Variants in ST3GAL2 observed in about 807,000 individuals in gnomAD.
The protein encoded by ST3GAL2 is CMP-N-acetylneuraminate-beta-galactosamide-alpha-2,3-sialyltransferase 2.
A neutral mutation model predicts 37.5 loss-of-function variants in ST3GAL2; 16 were observed. The observed-to-expected ratio is 0.43, with a 90% CI of 0.29 to 0.65. ST3GAL2 has a LOEUF of 0.65. Ranked by LOEUF, ST3GAL2 falls within the 30% of genes least tolerant of loss-of-function variation. The pLI, the probability that ST3GAL2 is intolerant of heterozygous loss-of-function variation, is 0.17. For synonymous variants in ST3GAL2, 238 were observed against 202.9 expected, an observed-to-expected ratio of 1.17 and a Z score of -1.47; for missense variants, 383 against 487.8, an observed-to-expected ratio of 0.79 and a Z score of 2.02.
chr16:70,381,830 C>G lies in ST3GAL2; in HGVS notation c.912G>C (p.Arg304=), dbSNP rs775474615. ...TCTCCCAGTAGTGGTGCCAGTTGCC[C>G]CGGCTGTCGGCCCCGAACCCGTACA... ...VNVYGFGADS[R]GNWHHYWENN... The change falls in exon 7 of 7, where the codon CGG becomes CGC. Residue 304 remains arginine, a synonymous_variant. Coordinates refer to ENST00000342907, the MANE Select transcript of ST3GAL2 (RefSeq NM_006927.4). The G allele has an allele frequency of 2.5e-6, 4 of 1,614,018 alleles. No individual in the cohort carries two copies. Among genetic ancestry groups the G allele is most frequent in the Non-Finnish European group, 3.4e-6 (4 of 1,179,944 alleles).
chr16:70,377,114 T>C lies in ST3GAL2; in HGVS notation c.*4575A>G, dbSNP rs1384532748. 1.4e-5 allele frequency: 2 copies of C among 142,680 alleles called. No individual in the cohort carries two copies. The highest frequency in any genetic ancestry group is 3.0e-5 in the Non-Finnish European group (2 of 66,984). 8.8% of individuals were successfully genotyped at this position (142,680 alleles called of 1,614,324 possible). ...GGCTGAGGTGGGAGGATCACTTGAATCCAGGAGTTTTTGAGGCTGCAGTGA... is the reference window on the plus strand; with the variant it reads ...GGCTGAGGTGGGAGGATCACTTGAACCCAGGAGTTTTTGAGGCTGCAGTGA... On this transcript the variant is annotated 3_prime_UTR_variant, in exon 7 of 7. Transcript: ENST00000342907.
Position 70,399,008 on chromosome 16 carries a change from A to T in ST3GAL2, c.-478T>A, listed in dbSNP as rs1201551745. 2.4e-6 allele frequency: 1 copy of T among 413,410 alleles called. No individual in the cohort carries two copies. The highest frequency in any genetic ancestry group is 1.0e-4 in the South Asian group (1 of 9,620). 25.6% of individuals were successfully genotyped at this position (413,410 alleles called of 1,614,324 possible). A position where few individuals can be genotyped will look rare whatever the true frequency, so the allele number is the denominator to read the frequency against. On this transcript the variant is annotated 5_prime_UTR_variant, in exon 2 of 7. Transcript: ENST00000342907. Reference sequence around the variant, plus strand: ...GGCAGCGGGGAAGCCCTAGAACTCCAATCACAACAGAGAGCACAGGGGCTT... The same window carrying T: ...GGCAGCGGGGAAGCCCTAGAACTCCTATCACAACAGAGAGCACAGGGGCTT...
chr16:70,410,454 C>A (rs1205455596), intron 1 of ST3GAL2, among the ~76,000 whole-genome samples: 1 of 151,170 alleles, frequency 6.6e-6, no homozygotes, highest in Non-Finnish European at 1.5e-5. Context: ...AGGGCTTCAC[C>A]ATGTTAGCCA....
chr16:70,386,219 G>C (rs1200001488), intron 4 of ST3GAL2, among the ~76,000 whole-genome samples: 2 of 149,192 alleles, frequency 1.3e-5, no homozygotes, highest in Admixed American at 6.7e-5. Context: ...ACGGAGTCTC[G>C]CTCTGTCACC....
chr16:70,419,806 G>C (rs1243567669), intron 1 of ST3GAL2, among the ~76,000 whole-genome samples: 9 of 152,158 alleles, frequency 5.9e-5, no homozygotes, highest in Admixed American at 5.2e-4. Context: ...CCACCGGGCT[G>C]GTATGACCTC....
chr16:70,431,984 TA>T (rs1457715408), intron 1 of ST3GAL2, among the ~76,000 whole-genome samples: 9 of 135,342 alleles, frequency 6.6e-5, no homozygotes, highest in East Asian at 5.8e-4. Flanking sequence ...TATATATATA[TA>T]TTTTTTTTTA....
intron 1 of ST3GAL2, among the ~76,000 whole-genome samples, chr16:70,433,739 C>A (rs2047806402): frequency 6.6e-6 from 1 of 152,222 alleles, no homozygotes; most frequent in Non-Finnish European, 1.5e-5. Flanking sequence ...CCTGAGTCAT[C>A]ACTCTGATTT....
chr16:70,435,127 T>C (rs1276485570), intron 1 of ST3GAL2, among the ~76,000 whole-genome samples: 1 of 152,180 alleles, frequency 6.6e-6, no homozygotes, highest in Admixed American at 6.5e-5. Flanking sequence ...TCCAAAGCCA[T>C]GGCTCCTAAA....
chr16:70,395,556 C>T (rs555222056), intron 2 of ST3GAL2, among the ~76,000 whole-genome samples: 1 of 152,200 alleles, frequency 6.6e-6, no homozygotes, highest in African/African-American at 2.4e-5. Flanking sequence ...CTACAGGGGG[C>T]GCCCCTGGCA....
intron 1 of ST3GAL2, among the ~76,000 whole-genome samples, chr16:70,407,560 G>A (rs977547722): frequency 2.0e-5 from 3 of 152,190 alleles, no homozygotes; most frequent in African/African-American, 7.2e-5. Flanking sequence ...CAGAGGAACT[G>A]GCAGCCAGGA....
At chr16:70,397,561 T>C (rs960695822) in intron 2 of ST3GAL2, among the ~76,000 whole-genome samples, 1 of 151,606 alleles carries the variant, frequency 6.6e-6, no homozygotes, top group African/African-American at 2.4e-5. Context: ...CCGTCTGTAC[T>C]AAAAATACAA....
In ST3GAL2 at chr16:70,410,196, T is replaced by TC. The variant is rs773222848; in HGVS notation, c.-1003-10664_-1003-10663insG. 2.7e-3 allele frequency among the ~76,000 whole-genome samples: 410 copies of TC among 150,074 alleles called. 2 individuals carry two copies. The highest frequency in any genetic ancestry group is 5.0e-3 in the Non-Finnish European group (335 of 67,552). The stretch of plus-strand genomic sequence containing the variant: ...TTGTCTACTATTTTTTCTGTATTTT[T>TC]TTTCTTTTCCTGACTTGGGTTGACA... On this transcript the variant is annotated intron_variant, in intron 1 of 6. Coordinates refer to ENST00000342907, the MANE Select transcript of ST3GAL2 (RefSeq NM_006927.4).
At chr16:70,415,179 T>G (rs1350684263) in intron 1 of ST3GAL2, among the ~76,000 whole-genome samples, 1 of 152,014 alleles carries the variant, frequency 6.6e-6, no homozygotes, top group African/African-American at 2.4e-5. Context: ...CAGCCAATTT[T>G]TCTATTATTA....
intron 1 of ST3GAL2, among the ~76,000 whole-genome samples, chr16:70,426,771 A>G (rs558567968): frequency 6.6e-5 from 10 of 152,234 alleles, no homozygotes; most frequent in African/African-American, 1.9e-4. Context: ...CGGCCTCCCA[A>G]AGTGTTGGAA....
chr16:70,414,569 C>A (rs191537564), intron 1 of ST3GAL2, among the ~76,000 whole-genome samples: 30 of 152,350 alleles, frequency 2.0e-4, no homozygotes, highest in Middle Eastern at 3.4e-3. Context: ...ACAGGCCCAG[C>A]CTGAAGTTCC....
At chr16:70,428,920 A>C (rs1328857349) in intron 1 of ST3GAL2, among the ~76,000 whole-genome samples, 1 of 152,204 alleles carries the variant, frequency 6.6e-6, no homozygotes, top group Non-Finnish European at 1.5e-5. Context: ...GTGGGGGAGA[A>C]CTTGGCAAAT....
At position 70,379,796 on chromosome 16, in the gene ST3GAL2, A is replaced by ATTTTTTT. The variant is rs11438171; in HGVS notation, c.*1886_*1892dup. ...ACCACTGCGCCTGGCTAATTTTTGT[A>ATTTTTTT]TTTTTTTTTTTTTTTGGTAGAGACG... On this transcript the variant is annotated 3_prime_UTR_variant, in exon 7 of 7. Transcript: ENST00000342907. 2.9e-5 allele frequency: 4 copies of ATTTTTTT among 138,048 alleles called. No individual in the cohort carries two copies. The highest frequency in any genetic ancestry group is 1.1e-4 in the African/African-American group (4 of 36,450). The allele number at this position is 138,048 out of a possible 1,614,324, so 8.6% of individuals were successfully genotyped here.
At chr16:70,403,497 C>A (rs1265623582) in intron 1 of ST3GAL2, among the ~76,000 whole-genome samples, 1 of 151,972 alleles carries the variant, frequency 6.6e-6, no homozygotes, top group Non-Finnish European at 1.5e-5. Flanking sequence ...GCCTGGGCAA[C>A]ACAGCAAGAC....
At position 70,428,912 on chromosome 16, in the gene ST3GAL2, G is replaced by C. The variant is rs1217156790; in HGVS notation, c.-1004+10037C>G. Among the ~76,000 whole-genome samples the C allele has an allele frequency of 2.6e-5, 4 of 152,198 alleles. No individual in the cohort carries two copies. The South Asian group carries it at 8.3e-4, about 32-fold the overall frequency. On this transcript the variant is annotated intron_variant, in intron 1 of 6. Coordinates refer to ENST00000342907, the MANE Select transcript of ST3GAL2 (RefSeq NM_006927.4). ...AGCAGAGCACAGGATGTAAAAGGGT[G>C]GGGGAGAACTTGGCAAATAAAAAAA... is the stretch of plus-strand genomic sequence containing the variant.
Sources: allele counts gnomAD v4.1 joint callset (sites outside exome capture counted in the v4.1 genomes callset), GRCh38; gene constraint gnomAD v4.1.1; transcripts MANE v1.5; gene names NCBI Gene and HGNC (gene_info 2026-07-23, HGNC 2026-07-21).